The following PRICKLE2 variants were observed in gnomAD, a reference collection of about 807,000 sequenced individuals.
PRICKLE2 encodes prickle planar cell polarity protein 2, also known as prickle-like protein 2.
PRICKLE2 carries 21 observed loss-of-function variants against 81.4 expected under a neutral mutation model. The ratio of observed to expected loss-of-function variants is 0.26; its 90% CI spans 0.18 to 0.37. The LOEUF (loss-of-function observed/expected upper bound fraction) is 0.37. Among genes scored for constraint, PRICKLE2 ranks in the 10% least tolerant of loss-of-function variants. The pLI, the probability that PRICKLE2 is intolerant of heterozygous loss-of-function variation, is 1.00. For synonymous variants in PRICKLE2, 456 were observed against 421.5 expected (o/e 1.08, Z -1.00); for missense variants, 940 against 1,109.0 (o/e 0.85, Z 2.16).
intron 7 of PRICKLE2, among the ~76,000 whole-genome samples, chr3:64,130,466 T>C (rs1416917242): frequency 6.6e-6 from 1 of 152,222 alleles, no homozygotes; most frequent in Non-Finnish European, 1.5e-5. Context: ...AATGTAATGC[T>C]AGACTCTCTG....
chr3:64,214,619 T>C (rs2078843561), intron 1 of PRICKLE2, among the ~76,000 whole-genome samples: 1 of 152,174 alleles, frequency 6.6e-6, no homozygotes, highest in South Asian at 2.1e-4. Context: ...AGGAGGAAAG[T>C]ACACAGAAAG....
chr3:64,221,127 G>A (rs112280630), intron 1 of PRICKLE2, among the ~76,000 whole-genome samples: 2 of 152,000 alleles, frequency 1.3e-5, no homozygotes, highest in East Asian at 1.9e-4. Context: ...TTGCACTTTC[G>A]TGGTGGATTG....
intron 2 of PRICKLE2, among the ~76,000 whole-genome samples, chr3:64,189,724 G>A (rs942196645): frequency 6.6e-6 from 1 of 152,210 alleles, no homozygotes; most frequent in African/African-American, 2.4e-5. Context: ...ACTGAGCATA[G>A]AGTGGTGAAT....
intron 7 of PRICKLE2, among the ~76,000 whole-genome samples, chr3:64,103,927 C>A (rs2076710244): frequency 6.6e-6 from 1 of 152,096 alleles, no homozygotes; most frequent in Non-Finnish European, 1.5e-5. Flanking sequence ...CTGCAGTGAG[C>A]CGAGATTGTG....
In PRICKLE2 at chr3:64,146,855, T is replaced by A; in HGVS notation, c.1635A>T (p.Glu545Asp). 6.2e-7 allele frequency: 1 copy of A among 1,614,152 alleles called. No homozygotes were observed. The highest frequency in any genetic ancestry group is 2.2e-5 in the East Asian group (1 of 44,870). ...PTEQTPRGSM[E>D]SLALSNATGL... Reference sequence around the variant, plus strand: ...CTGTTGCATTAGACAGGGCCAGGGATTCCATGGAGCCCCGAGGGGTCTGCT... The same window carrying A: ...CTGTTGCATTAGACAGGGCCAGGGAATCCATGGAGCCCCGAGGGGTCTGCT... Residue 545 changes from glutamate (E) to aspartate (D), a missense_variant, in exon 7 of 8, where the codon GAA (glutamate) becomes GAT (aspartate). Physicochemically the swap from Glu to Asp is conservative, Grantham distance 45 (BLOSUM62 2). Around this residue, in one of 2 missense-constraint regions of PRICKLE2, gnomAD observed 670 missense variants for 717.2 expected, o/e 0.93. Coordinates refer to ENST00000638394, the MANE Select transcript of PRICKLE2 (RefSeq NM_198859.4).
intron 7 of PRICKLE2, chr3:64,103,480 G>C (rs978952945): frequency 2.0e-5 from 3 of 152,184 alleles, no homozygotes; most frequent in Non-Finnish European, 2.9e-5. Context: ...TCAAGAACAG[G>C]CTGAGGCTAT....
intron 1 of PRICKLE2, among the ~76,000 whole-genome samples, chr3:64,202,160 G>A (rs2078594635): frequency 6.6e-6 from 1 of 152,178 alleles, no homozygotes; most frequent in Non-Finnish European, 1.5e-5. Context: ...TTAAAATCAT[G>A]AAGTATATAT....
upstream of PRICKLE2, among the ~76,000 whole-genome samples, chr3:64,228,869 A>G (rs2079064823): frequency 6.6e-6 from 1 of 152,346 alleles, no homozygotes; most frequent in South Asian, 2.1e-4. Flanking sequence ...CATATAGTAT[A>G]TAGGAAAAAG....
intron 3 of PRICKLE2, among the ~76,000 whole-genome samples, chr3:64,160,949 AAAACAAAAACAAAC>A (rs774861206): frequency 2.2e-4 from 27 of 120,514 alleles, no homozygotes; most frequent in Admixed American, 5.3e-4. Context: ...CGTAAAAACA[AAAACAAAAACAAAC>A]AAACAAACAA....
chr3:64,231,659 T>G (rs553769854), intron 2 of PRICKLE2, among the ~76,000 whole-genome samples: 1 of 152,176 alleles, frequency 6.6e-6, no homozygotes, highest in Non-Finnish European at 1.5e-5. Flanking sequence ...TCAAGAAAAA[T>G]TATTACTACA....
chr3:64,236,797 A>G (rs1186406619), intron 2 of PRICKLE2, among the ~76,000 whole-genome samples: 1 of 152,194 alleles, frequency 6.6e-6, no homozygotes, highest in Non-Finnish European at 1.5e-5. Context: ...GCCTCCTCTG[A>G]AAAACATGAA....
chr3:64,265,688 C>T (rs949004371), intron 2 of PRICKLE2, among the ~76,000 whole-genome samples: 1 of 152,166 alleles, frequency 6.6e-6, no homozygotes. Flanking sequence ...AACACAAGAC[C>T]ACTTAGCCTG....
chr3:64,110,447 G>A (rs907389926), intron 7 of PRICKLE2, among the ~76,000 whole-genome samples: 1 of 152,148 alleles, frequency 6.6e-6, no homozygotes, highest in Non-Finnish European at 1.5e-5. Context: ...AGAGGACAAC[G>A]TAGAAGGATA....
intron 2 of PRICKLE2, among the ~76,000 whole-genome samples, chr3:64,180,692 C>A (rs565853685): frequency 7.2e-5 from 11 of 152,120 alleles, no homozygotes; most frequent in Non-Finnish European, 1.3e-4. Flanking sequence ...GCCACCACAT[C>A]CGGCTAATTT....
At chr3:64,109,791 C>T (rs148706671) in intron 7 of PRICKLE2, among the ~76,000 whole-genome samples, 5 of 152,300 alleles carry the variant, frequency 3.3e-5, no homozygotes, top group African/African-American at 4.8e-5. Flanking sequence ...TAGCAGCATT[C>T]ATTCTAGGGA....
intron 7 of PRICKLE2, among the ~76,000 whole-genome samples, chr3:64,145,190 C>T (rs867726913): frequency 4.1e-5 from 6 of 146,544 alleles, no homozygotes; most frequent in South Asian, 2.1e-4. Context: ...GCCTCAACTT[C>T]CTGGGCTCAA....
chr3:64,146,697 C>G, intron 7 of PRICKLE2, 133 bp downstream of exon 7: 1 of 953,048 alleles, frequency 1.0e-6, no homozygotes, highest in Non-Finnish European at 1.6e-6. Flanking sequence ...GAGCGGAGAT[C>G]GTGCCACTGC....
At chr3:64,161,549 A>T (rs572173748) in intron 3 of PRICKLE2, among the ~76,000 whole-genome samples, 1 of 152,282 alleles carries the variant, frequency 6.6e-6, no homozygotes, top group African/African-American at 2.4e-5. Context: ...GAGCCATTTC[A>T]AATAGGCTAA....
At chr3:64,183,011 T>C (rs1374420989) in intron 2 of PRICKLE2, among the ~76,000 whole-genome samples, 1 of 152,180 alleles carries the variant, frequency 6.6e-6, no homozygotes, top group Non-Finnish European at 1.5e-5. Context: ...ACCCATCAAT[T>C]AAAAGATGGA....
Sources: allele counts gnomAD v4.1 joint callset (sites outside exome capture counted in the v4.1 genomes callset), GRCh38; gene constraint gnomAD v4.1.1; regional missense constraint gnomAD v4.1.1; transcripts MANE v1.5; gene names NCBI Gene and HGNC (gene_info 2026-07-23, HGNC 2026-07-21).